The following PRKG1 variants were observed in gnomAD, a reference collection of about 807,000 sequenced individuals.
PRKG1 encodes the protein cGMP-dependent protein kinase 1.
A neutral mutation model predicts 88.1 loss-of-function variants in PRKG1; 35 were observed. The ratio of observed to expected loss-of-function variants is 0.40; its 90% CI spans 0.30 to 0.53. The LOEUF is 0.53. Ranked by LOEUF, PRKG1 falls within the 20% of genes least tolerant of loss-of-function variation. The pLI is 0.59. For synonymous variants in PRKG1, 303 were observed against 292.5 expected, an observed-to-expected ratio of 1.04 and a Z score of -0.37; for missense variants, 540 against 839.8, an observed-to-expected ratio of 0.64 and a Z score of 4.41.
At chr10:51,039,390 A>G (rs1481233087) in intron 1 of PRKG1, among the ~76,000 whole-genome samples, 1 of 152,178 alleles carries the variant, frequency 6.6e-6, no homozygotes, top group Non-Finnish European at 1.5e-5. Flanking sequence ...TCTTTTGGGA[A>G]ATGTCTCTTC....
intron 8 of PRKG1, among the ~76,000 whole-genome samples, chr10:52,143,335 C>T (rs1006388105): frequency 2.0e-4 from 30 of 152,002 alleles, no homozygotes; most frequent in African/African-American, 4.1e-4. Context: ...GTTGCGGGGG[C>T]GGGGCTGTCA....
intron 3 of PRKG1, among the ~76,000 whole-genome samples, chr10:51,586,807 T>G (rs1222882485): frequency 6.6e-6 from 1 of 152,160 alleles, no homozygotes; most frequent in Non-Finnish European, 1.5e-5. Flanking sequence ...AGATAGTTGA[T>G]ATATACTCCT....
At chr10:51,335,080 C>T (rs759772366) in intron 2 of PRKG1, among the ~76,000 whole-genome samples, 57 of 134,232 alleles carry the variant, frequency 4.2e-4, no homozygotes, top group Non-Finnish European at 8.0e-4. Context: ...GGCCCTATCT[C>T]GGCTCACTGC....
chr10:52,089,576 CT>C (rs2133319928), intron 7 of PRKG1, among the ~76,000 whole-genome samples: 1 of 152,152 alleles, frequency 6.6e-6, no homozygotes, highest in East Asian at 1.9e-4. Context: ...ATCCAGGTTT[CT>C]TACTATCAGA....
intron 2 of PRKG1, among the ~76,000 whole-genome samples, chr10:51,168,643 T>C (rs1032637490): frequency 1.3e-5 from 2 of 152,140 alleles, no homozygotes; most frequent in Non-Finnish European, 2.9e-5. Context: ...TATGACCATG[T>C]GGTTGTTTGT....
chr10:52,148,054 C>G (rs1837781253), intron 8 of PRKG1, among the ~76,000 whole-genome samples: 1 of 152,174 alleles, frequency 6.6e-6, no homozygotes, highest in Non-Finnish European at 1.5e-5. Context: ...TATGGGAAAA[C>G]TTAAATCAGT....
chr10:52,282,038 A>G (rs1842012820), intron 13 of PRKG1, 115 bp from the exon 14 acceptor site: 1 of 1,092,722 alleles, frequency 9.2e-7, no homozygotes, highest in African/African-American at 1.6e-5. Context: ...AGACAGAACT[A>G]TAAAAACATA....
chr10:51,317,802 T>C (rs756851604), intron 2 of PRKG1, among the ~76,000 whole-genome samples: 8 of 152,218 alleles, frequency 5.3e-5, no homozygotes, highest in Non-Finnish European at 8.8e-5. Flanking sequence ...GAATAAAGTC[T>C]GGATTATTTA....
chr10:51,749,708 C>G (rs1167107768), intron 3 of PRKG1, among the ~76,000 whole-genome samples: 1 of 152,112 alleles, frequency 6.6e-6, no homozygotes, highest in East Asian at 1.9e-4. Context: ...ACAATAACAT[C>G]AGTTTTGACT....
chr10:51,733,751 C>G (rs567751558), intron 3 of PRKG1, among the ~76,000 whole-genome samples: 10 of 152,268 alleles, frequency 6.6e-5, no homozygotes, highest in African/African-American at 2.2e-4. Context: ...AATGGGTGAG[C>G]TGCCAACAGT....
At chr10:51,110,066 G>GAA (rs1341228911) in intron 1 of PRKG1, among the ~76,000 whole-genome samples, 1 of 152,066 alleles carries the variant, frequency 6.6e-6, no homozygotes, top group Non-Finnish European at 1.5e-5. Flanking sequence ...TACTAAGTCA[G>GAA]AAGAAACGAA....
intron 3 of PRKG1, 75 bp downstream of exon 3, chr10:51,467,911 C>A: frequency 1.7e-6 from 2 of 1,161,342 alleles, no homozygotes; most frequent in Non-Finnish European, 2.5e-6. Flanking sequence ...TTTAAAATGC[C>A]CATTCATTTA....
intron 2 of PRKG1, among the ~76,000 whole-genome samples, chr10:51,283,349 C>T (rs1840350606): frequency 6.6e-6 from 1 of 152,056 alleles, no homozygotes; most frequent in Admixed American, 6.6e-5. Flanking sequence ...AAAATCCCTT[C>T]TCTTGTGTTA....
chr10:51,053,527 A>T (rs1213218870), intron 1 of PRKG1, among the ~76,000 whole-genome samples: 1 of 152,140 alleles, frequency 6.6e-6, no homozygotes, highest in Non-Finnish European at 1.5e-5. Flanking sequence ...GTATACATGC[A>T]TCACCCCCCA....
At chr10:52,292,912 G>A (rs1842286360) in intron 17 of PRKG1, among the ~76,000 whole-genome samples, 1 of 152,076 alleles carries the variant, frequency 6.6e-6, no homozygotes, top group Admixed American at 6.6e-5. Context: ...TCTGGTCAGG[G>A]CAATTAGGCA....
At chr10:51,245,238 C>G (rs1411131360) in intron 2 of PRKG1, 1 of 152,010 alleles carries the variant, frequency 6.6e-6, no homozygotes, top group Non-Finnish European at 1.5e-5. Flanking sequence ...CCTCTGGCCA[C>G]AAGATTTTCA....
intron 2 of PRKG1, among the ~76,000 whole-genome samples, chr10:51,274,453 T>C (rs750030067): frequency 4.6e-5 from 7 of 152,230 alleles, no homozygotes; most frequent in African/African-American, 7.2e-5. Context: ...TAATAATTGT[T>C]CTAAGTGCAA....
chr10:51,191,242 T>C (rs1471492638), intron 2 of PRKG1, among the ~76,000 whole-genome samples: 2 of 151,794 alleles, frequency 1.3e-5, no homozygotes, highest in African/African-American at 4.8e-5. Flanking sequence ...CAGAACCACA[T>C]TGGGTATTGT....
At chr10:52,059,335 A>C (rs1442058526) in intron 6 of PRKG1, among the ~76,000 whole-genome samples, 1 of 152,014 alleles carries the variant, frequency 6.6e-6, no homozygotes, top group Non-Finnish European at 1.5e-5. Flanking sequence ...TAGAGAAATG[A>C]AAATATAGCT....
Sources: allele counts gnomAD v4.1 joint callset (sites outside exome capture counted in the v4.1 genomes callset), GRCh38; gene constraint gnomAD v4.1.1; transcripts MANE v1.5; gene names NCBI Gene and HGNC (gene_info 2026-07-23, HGNC 2026-07-21).